The following FSTL1 variants were observed in gnomAD, a reference collection of about 807,000 sequenced individuals.
The protein encoded by FSTL1 is follistatin-related protein 1.
Under a neutral mutation model 45.9 loss-of-function variants are expected in FSTL1, and 24 were observed. That is an observed-to-expected ratio of 0.52 (90% CI 0.38 to 0.74). The LOEUF is 0.74. Among genes scored for constraint, FSTL1 ranks in the 30% least tolerant of loss-of-function variants. The probability of loss-of-function intolerance (pLI) is 0.00; values close to 1 mark genes in which losing one functional copy is unlikely to be tolerated. For missense variants in FSTL1, 340 were observed against 381.8 expected (o/e 0.89, Z 0.91); for synonymous variants, 120 against 137.6 (o/e 0.87, Z 0.89).
At position 120,394,589 on chromosome 3, in the gene FSTL1, A is replaced by T. The variant is rs145529707; in HGVS notation, c.*2363T>A. On this transcript the variant is annotated 3_prime_UTR_variant, in exon 11 of 11. Transcript: ENST00000295633. ...TGGACACTGGATCTTAACAGATGCT[A>T]TAGTGTTTACAAAACTACACACACA... The T allele has an allele frequency of 6.6e-6, 1 of 152,336 alleles. No individual in the cohort carries two copies. The highest frequency in any genetic ancestry group is 1.9e-4 in the East Asian group (1 of 5,174). The allele number at this position is 152,336 out of a possible 1,614,324, so 9.4% of individuals were successfully genotyped here. A position where few individuals can be genotyped will look rare whatever the true frequency, so the allele number is the denominator to read the frequency against.
intron 6 of FSTL1, among the ~76,000 whole-genome samples, chr3:120,406,668 G>A (rs1361210812): frequency 6.6e-6 from 1 of 152,202 alleles, no homozygotes; most frequent in African/African-American, 2.4e-5. Flanking sequence ...TCTGGTGCCT[G>A]CCCCAGAAAT....
intron 5 of FSTL1, chr3:120,409,923 C>T (rs1021721637): frequency 3.4e-6 from 1 of 293,524 alleles, no homozygotes; most frequent in African/African-American, 2.2e-5. Context: ...ATAACTAGAG[C>T]AGAAAAATAA....
At chr3:120,419,594 G>C (rs901466800) in intron 2 of FSTL1, 2 of 152,520 alleles carry the variant, frequency 1.3e-5, no homozygotes, top group Non-Finnish European at 2.9e-5. Flanking sequence ...GGTGATGATG[G>C]GGAGAGGGGT....
chr3:120,405,680 C>T (rs1340841552), intron 6 of FSTL1, among the ~76,000 whole-genome samples: 1 of 152,210 alleles, frequency 6.6e-6, no homozygotes, highest in Non-Finnish European at 1.5e-5. Flanking sequence ...TCAGGCTGCC[C>T]TCATGACCCA....
chr3:120,399,224 GTTCAA>G (rs142468480), intron 10 of FSTL1, among the ~76,000 whole-genome samples: 3,420 of 152,252 alleles, frequency 0.022, 60 homozygotes, highest in South Asian at 0.041. Context: ...TGGGCCAGGA[GTTCAA>G]CAGTTCCACA....
At chr3:120,428,591 G>C (rs1032140240) in intron 2 of FSTL1, among the ~76,000 whole-genome samples, 1 of 152,106 alleles carries the variant, frequency 6.6e-6, no homozygotes. Flanking sequence ...AAAATTAGCT[G>C]GGTGTGGTGA....
chr3:120,395,611 C>A lies in FSTL1; in HGVS notation c.*1341G>T, dbSNP rs973450320. ...ACCTGTAGGGTCATCAGGCTGAGAT[C>A]AAATCTGGTCATCTTGTTTTTGGCC... On this transcript the variant is annotated 3_prime_UTR_variant, in exon 11 of 11. Coordinates refer to ENST00000295633, the MANE Select transcript of FSTL1 (RefSeq NM_007085.5). 1 of 523,630 alleles carries A rather than the reference C, an allele frequency of 1.9e-6. No homozygotes were observed. The highest frequency in any genetic ancestry group is 3.9e-6 in the Non-Finnish European group (1 of 253,720). The allele number at this position is 523,630 out of a possible 1,614,324, so 32.4% of individuals were successfully genotyped here.
chr3:120,437,746 A>T (rs899611194), intron 2 of FSTL1, among the ~76,000 whole-genome samples: 1 of 152,214 alleles, frequency 6.6e-6, no homozygotes, highest in African/African-American at 2.4e-5. Context: ...CTGGCTCCCC[A>T]GTCAGGATCA....
chr3:120,436,850 C>T (rs1452110106), intron 2 of FSTL1, among the ~76,000 whole-genome samples: 3 of 152,268 alleles, frequency 2.0e-5, no homozygotes, highest in East Asian at 1.9e-4. Flanking sequence ...AGCGAAGCTG[C>T]GTGCTCCGAG....
intron 2 of FSTL1, among the ~76,000 whole-genome samples, chr3:120,418,359 G>A (rs562544841): frequency 1.3e-5 from 2 of 152,220 alleles, no homozygotes; most frequent in South Asian, 4.2e-4. Context: ...ATTCCAACTC[G>A]TATCTTCAAC....
intron 6 of FSTL1, among the ~76,000 whole-genome samples, chr3:120,407,783 A>T (rs1576210825): frequency 6.6e-6 from 1 of 152,104 alleles, no homozygotes; most frequent in African/African-American, 2.4e-5. Flanking sequence ...GGAAGAGGGG[A>T]TTTTGTGTCT....
rs141862342 is a variant in FSTL1, at chr3:120,447,861, G to A, written c.63+2823C>T. On this transcript the variant is annotated intron_variant, in intron 2 of 10. Coordinates refer to ENST00000295633, the MANE Select transcript of FSTL1 (RefSeq NM_007085.5). Reference sequence around the variant, plus strand: ...AGATATGGTCTCACGATGTTGCCCAGGCTGGTCTCAAATTCCTGGGCTCAA... The same window carrying A: ...AGATATGGTCTCACGATGTTGCCCAAGCTGGTCTCAAATTCCTGGGCTCAA... 7.9e-3 allele frequency among the ~76,000 whole-genome samples: 1,198 copies of A among 152,250 alleles called. 9 individuals are homozygous for A. The highest frequency in any genetic ancestry group is 0.027 in the African/African-American group (1,124 of 41,558).
chr3:120,437,870 A>T (rs536833726), intron 2 of FSTL1, among the ~76,000 whole-genome samples: 1 of 152,180 alleles, frequency 6.6e-6, no homozygotes. Context: ...CTGTTTCCTT[A>T]CTGTGTTCAC....
chr3:120,412,818 GTGCGCGCGCGCGCGCGCGCGCA>G (rs1576213926), intron 3 of FSTL1, among the ~76,000 whole-genome samples: 1 of 48,970 alleles, frequency 2.0e-5, no homozygotes, highest in East Asian at 5.6e-4. Flanking sequence ...ACACACACAT[GTGCGCGCGCGCGCGCGCGCGCA>G]CACACACACA....
chr3:120,402,679 G>A, intron 9 of FSTL1, 129 bp downstream of exon 9: 2 of 667,354 alleles, frequency 3.0e-6, no homozygotes, highest in East Asian at 5.4e-5. Context: ...TTACAGGTGT[G>A]GGTCTGCCTG....
At chr3:120,442,398 G>A (rs1462271611) in intron 2 of FSTL1, among the ~76,000 whole-genome samples, 1 of 151,950 alleles carries the variant, frequency 6.6e-6, no homozygotes. Flanking sequence ...CCAGAAAAGG[G>A]CACAGCAGGA....
At chr3:120,438,214 G>A (rs1405551835) in intron 2 of FSTL1, 1 of 152,146 alleles carries the variant, frequency 6.6e-6, no homozygotes, top group Non-Finnish European at 1.5e-5. Context: ...TGTTTTTCAA[G>A]TAAGTTCAAT....
At chr3:120,408,020 A>C (rs959354933) in intron 6 of FSTL1, among the ~76,000 whole-genome samples, 1 of 152,242 alleles carries the variant, frequency 6.6e-6, no homozygotes, top group Non-Finnish European at 1.5e-5. Context: ...GGGCCACTAA[A>C]AAATGGTTAC....
intron 9 of FSTL1, among the ~76,000 whole-genome samples, chr3:120,401,714 C>G: frequency 6.6e-6 from 1 of 152,080 alleles, no homozygotes; most frequent in African/African-American, 2.4e-5. Context: ...TCCCAAGTAG[C>G]TGGGACTACA....
Sources: allele counts gnomAD v4.1 joint callset (sites outside exome capture counted in the v4.1 genomes callset), GRCh38; gene constraint gnomAD v4.1.1; transcripts MANE v1.5; gene names NCBI Gene and HGNC (gene_info 2026-07-23, HGNC 2026-07-21).